Variants in SLC25A37 observed in about 807,000 individuals in gnomAD.
The protein encoded by SLC25A37 is mitoferrin-1.
In SLC25A37, 17 loss-of-function variants were observed where a neutral mutation model predicts 31.0. The ratio of observed to expected loss-of-function variants is 0.55; its 90% CI spans 0.38 to 0.82. The LOEUF is 0.82. SLC25A37 is among the 40% of genes least tolerant of loss of function. The probability of loss-of-function intolerance (pLI) is 0.00; values close to 1 mark genes in which losing one functional copy is unlikely to be tolerated. For missense variants in SLC25A37, 404 were observed against 465.8 expected, an observed-to-expected ratio of 0.87 and a Z score of 1.22; for synonymous variants, 222 against 193.0, an observed-to-expected ratio of 1.15 and a Z score of -1.24.
chr8:23,547,354 C>G (rs1309983228), intron 1 of SLC25A37, among the ~76,000 whole-genome samples: 1 of 152,202 alleles, frequency 6.6e-6, no homozygotes, highest in Non-Finnish European at 1.5e-5. Context: ...TGTAGATACA[C>G]ACATATAAGT....
At chr8:23,568,977 A>G (rs575070960) in intron 3 of SLC25A37, 38 of 153,586 alleles carry the variant, frequency 2.5e-4, no homozygotes, top group Admixed American at 2.1e-3. Flanking sequence ...GGGAAATGCT[A>G]ATTCTGGCCG....
Position 23,529,012 on chromosome 8 carries a change from C to A in SLC25A37, c.10C>A (p.Arg4Ser). MEL[R>S]SGSVGSQAVA... ...CCCGCCGAGCTGGCGGATGGAGCTG[C>A]GCAGCGGGAGCGTGGGCAGCCAGGC... The change falls in exon 1 of 4, where the codon CGC becomes AGC. Residue 4 changes from arginine (R) to serine (S), a missense_variant. Arg to Ser is a moderately radical substitution (Grantham distance 110, BLOSUM62 -1). This residue lies in a region of SLC25A37 where 154 missense variants were observed against 153.6 expected (regional missense o/e 1.00). Transcript: ENST00000519973. The surrounding 1 kb of genome is among the most constrained non-coding windows in gnomAD (Gnocchi z 4.1). 1 of 1,528,048 alleles carries A rather than the reference C, an allele frequency of 6.5e-7. No individual in the cohort carries two copies. 94.7% of individuals were successfully genotyped at this position (1,528,048 alleles called of 1,614,324 possible). A position where few individuals can be genotyped will look rare whatever the true frequency, so the allele number is the denominator to read the frequency against.
intron 1 of SLC25A37, among the ~76,000 whole-genome samples, chr8:23,552,656 C>A (rs187905624): frequency 6.6e-6 from 1 of 152,322 alleles, no homozygotes; most frequent in African/African-American, 2.4e-5. Flanking sequence ...CCTAGTTTCC[C>A]CAACCAGAAC....
intron 1 of SLC25A37, among the ~76,000 whole-genome samples, chr8:23,537,468 G>C (rs1801794603): frequency 6.6e-6 from 1 of 152,216 alleles, no homozygotes. Flanking sequence ...TAGGTGCTCA[G>C]TAAGTATTTG....
At chr8:23,563,378 G>A (rs1012590177) in intron 1 of SLC25A37, among the ~76,000 whole-genome samples, 5 of 152,066 alleles carry the variant, frequency 3.3e-5, no homozygotes, top group African/African-American at 1.2e-4. Context: ...GTTGAAATGA[G>A]GTCTCAGTAT....
intron 1 of SLC25A37, among the ~76,000 whole-genome samples, chr8:23,565,310 A>C (rs551163001): frequency 6.6e-6 from 1 of 152,282 alleles, no homozygotes; most frequent in South Asian, 2.1e-4. Flanking sequence ...ATTAACCATC[A>C]CACCTGTGCA....
At chr8:23,535,859 C>A (rs143455407) in intron 1 of SLC25A37, among the ~76,000 whole-genome samples, 2,108 of 152,270 alleles carry the variant, frequency 0.014, 25 homozygotes, top group Non-Finnish European at 0.022. Flanking sequence ...ACCATGAGAA[C>A]AGTGTGGGGG....
intron 1 of SLC25A37, among the ~76,000 whole-genome samples, chr8:23,559,070 C>G (rs770363077): frequency 6.6e-6 from 1 of 152,182 alleles, no homozygotes; most frequent in African/African-American, 2.4e-5. Flanking sequence ...GGTCAGGTGT[C>G]TCTGGTTATT....
chr8:23,551,433 C>G (rs2117420890), intron 1 of SLC25A37, among the ~76,000 whole-genome samples: 1 of 152,186 alleles, frequency 6.6e-6, no homozygotes, highest in Non-Finnish European at 1.5e-5. Context: ...CTCAGGTGGT[C>G]CTGCCACATC....
chr8:23,547,920 TC>T (rs1473928142), intron 1 of SLC25A37, among the ~76,000 whole-genome samples: 1 of 152,118 alleles, frequency 6.6e-6, no homozygotes, highest in Non-Finnish European at 1.5e-5. Flanking sequence ...TCTGACTCCT[TC>T]CTGCCAGAAC....
At chr8:23,566,788 G>A (rs1802673228) in intron 2 of SLC25A37, 1 of 987,818 alleles carries the variant, frequency 1.0e-6, no homozygotes. Context: ...TCTCTACAAC[G>A]CCAAGATCTA....
chr8:23,545,845 T>TA (rs1216644771), intron 1 of SLC25A37, among the ~76,000 whole-genome samples: 1 of 151,508 alleles, frequency 6.6e-6, no homozygotes, highest in Non-Finnish European at 1.5e-5. Flanking sequence ...AAAATAAAAA[T>TA]AAAAAAATAG....
At chr8:23,555,542 T>G (rs879740680) in intron 1 of SLC25A37, among the ~76,000 whole-genome samples, 1 of 152,208 alleles carries the variant, frequency 6.6e-6, no homozygotes, top group Non-Finnish European at 1.5e-5. Flanking sequence ...CTACCAAATG[T>G]GCAATGAAAA....
intron 1 of SLC25A37, chr8:23,531,664 G>A (rs1801664131): frequency 6.6e-6 from 1 of 152,188 alleles, no homozygotes. Flanking sequence ...TGTTGAATCG[G>A]CTGGCTTTTT....
In SLC25A37 at chr8:23,529,430, C is replaced by CCGCT. The variant is rs888256244; in HGVS notation, c.210+219_210+222dup. ...GTGCCCGGTCCTCGCCCCGCACCGC[C>CCGCT]CGCTGCTCCAGCCGCGTGCCCGGCC... On this transcript the variant is annotated intron_variant, in intron 1 of 3. Coordinates refer to ENST00000519973, the MANE Select transcript of SLC25A37 (RefSeq NM_016612.4). The surrounding 1 kb of genome is among the most constrained non-coding windows in gnomAD (Gnocchi z 4.1). Among the ~76,000 whole-genome samples, 2 of 151,722 alleles carry CCGCT rather than the reference C, an allele frequency of 1.3e-5. No homozygotes were observed. The highest frequency in any genetic ancestry group is 6.6e-5 in the Admixed American group (1 of 15,228).
At chr8:23,539,484 G>A (rs1297189594) in intron 1 of SLC25A37, among the ~76,000 whole-genome samples, 1 of 149,634 alleles carries the variant, frequency 6.7e-6, no homozygotes, top group Admixed American at 6.7e-5. Flanking sequence ...CACTGCTGTG[G>A]GTGGGGGACC....
chr8:23,559,354 C>T (rs1050735611), intron 1 of SLC25A37, among the ~76,000 whole-genome samples: 7 of 151,036 alleles, frequency 4.6e-5, no homozygotes, highest in East Asian at 2.0e-4. Context: ...TGTGTGTGTG[C>T]GTGTGTGTGC....
intron 1 of SLC25A37, chr8:23,531,890 G>A (rs1256208720): frequency 6.6e-6 from 1 of 152,170 alleles, no homozygotes; most frequent in African/African-American, 2.4e-5. Context: ...CCCATTAGTG[G>A]ACTCTGCATT....
intron 1 of SLC25A37, among the ~76,000 whole-genome samples, chr8:23,537,225 C>G (rs986566693): frequency 2.0e-5 from 3 of 150,742 alleles, no homozygotes; most frequent in Non-Finnish European, 4.4e-5. Context: ...TGAGATTACT[C>G]TCCCCTGCCT....
Sources: gnomAD v4.1 joint callset for allele counts (sites outside exome capture counted in the v4.1 genomes callset) on GRCh38, gnomAD v4.1.1 for gene constraint, gnomAD v4.1.1 regional missense constraint, Gnocchi (gnomAD v3.1) non-coding constraint, MANE v1.5 for transcripts, NCBI Gene and HGNC (gene_info 2026-07-23, HGNC 2026-07-21) for gene names.